Variants in RNF214 observed in about 807,000 individuals in gnomAD.
RNF214 encodes the protein ring finger protein 214.
In RNF214, 25 loss-of-function variants were observed where a neutral mutation model predicts 75.9. The observed-to-expected ratio is 0.33, with a 90% CI of 0.24 to 0.46. The LOEUF (loss-of-function observed/expected upper bound fraction) is 0.46, where lower values mean the gene tolerates loss of function less well. RNF214 is among the 20% of genes least tolerant of loss of function. RNF214 has a pLI of 1.00. For synonymous variants in RNF214, 314 were observed against 308.8 expected (o/e 1.02, Z -0.18); for missense variants, 725 against 857.5 (o/e 0.85, Z 1.93).
intron 6 of RNF214, among the ~76,000 whole-genome samples, chr11:117,255,861 A>G (rs2033507184): frequency 6.6e-6 from 1 of 152,176 alleles, no homozygotes; most frequent in Non-Finnish European, 1.5e-5. Flanking sequence ...TACCATTGAA[A>G]TCATTCCAAG....
At chr11:117,243,366 G>A (rs931971121) in intron 4 of RNF214, among the ~76,000 whole-genome samples, 4 of 151,950 alleles carry the variant, frequency 2.6e-5, no homozygotes, top group African/African-American at 7.2e-5. Context: ...GGCTGGTCTC[G>A]AACTGCTGAC....
At chr11:117,268,456 G>T (rs925038930) in intron 6 of RNF214, among the ~76,000 whole-genome samples, 2 of 152,074 alleles carry the variant, frequency 1.3e-5, no homozygotes, top group African/African-American at 2.4e-5. Flanking sequence ...GATTGGGGTC[G>T]GGGGGAGTCT....
chr11:117,284,655 C>T (rs949465752), intron 14 of RNF214, among the ~76,000 whole-genome samples: 6 of 152,108 alleles, frequency 3.9e-5, no homozygotes, highest in Non-Finnish European at 7.4e-5. Context: ...TGGGGCCAGG[C>T]GCGGTGGCTC....
intron 6 of RNF214, among the ~76,000 whole-genome samples, chr11:117,278,998 A>G (rs1161170752): frequency 1.3e-5 from 2 of 152,106 alleles, no homozygotes; most frequent in Non-Finnish European, 2.9e-5. Context: ...TTGGGAGGCT[A>G]AGGCAAGAAG....
At chr11:117,262,557 T>A (rs904865768) in intron 6 of RNF214, among the ~76,000 whole-genome samples, 5 of 152,052 alleles carry the variant, frequency 3.3e-5, no homozygotes, top group Admixed American at 1.3e-4. Flanking sequence ...TTTTTAAAAA[T>A]TTTTTGTAAA....
At chr11:117,260,557 C>T (rs2033633281) in intron 6 of RNF214, among the ~76,000 whole-genome samples, 1 of 151,302 alleles carries the variant, frequency 6.6e-6, no homozygotes, top group African/African-American at 2.4e-5. Context: ...CCTGTAATCC[C>T]AGCACTTTGG....
intron 6 of RNF214, among the ~76,000 whole-genome samples, chr11:117,272,930 G>T (rs2033941870): frequency 6.6e-6 from 1 of 151,932 alleles, no homozygotes; most frequent in South Asian, 2.1e-4. Flanking sequence ...TTATCTATCA[G>T]TATATACTGA....
At chr11:117,244,378 C>A in intron 4 of RNF214, 67 bp from the exon 5 acceptor site, 1 of 1,343,370 alleles carries the variant, frequency 7.4e-7, no homozygotes, top group Non-Finnish European at 1.1e-6. Flanking sequence ...ATGCCTTGGA[C>A]AGGCACTGGT....
chr11:117,234,154 T>C, intron 1 of RNF214, 113 bp from the exon 2 acceptor site: 1 of 757,014 alleles, frequency 1.3e-6, no homozygotes, highest in South Asian at 1.7e-5. Flanking sequence ...AGCCCAGGTT[T>C]TTGTGTTTCT....
chr11:117,266,455 G>C (rs1474641101), intron 6 of RNF214, among the ~76,000 whole-genome samples: 1 of 151,952 alleles, frequency 6.6e-6, no homozygotes, highest in Non-Finnish European at 1.5e-5. Context: ...TGCCTTCCAG[G>C]CTTAAGCGAT....
chr11:117,262,728 T>TGA (rs1490289088), intron 6 of RNF214, among the ~76,000 whole-genome samples: 2 of 151,808 alleles, frequency 1.3e-5, no homozygotes, highest in African/African-American at 4.8e-5. Flanking sequence ...TGTGTGTGTG[T>TGA]GTGTGTTTAA....
chr11:117,244,869 G>A (rs746408004), intron 5 of RNF214, among the ~76,000 whole-genome samples: 9 of 151,768 alleles, frequency 5.9e-5, no homozygotes, highest in Non-Finnish European at 1.5e-5. Context: ...GTTTTGTCAT[G>A]TTGCCCAGGC....
At chr11:117,277,953 A>G (rs924419956) in intron 6 of RNF214, among the ~76,000 whole-genome samples, 3 of 150,944 alleles carry the variant, frequency 2.0e-5, no homozygotes, top group African/African-American at 7.3e-5. Context: ...CAGACTGGGC[A>G]ACAGATAGAG....
At chr11:117,271,511 A>G (rs1458013105) in intron 6 of RNF214, among the ~76,000 whole-genome samples, 1 of 152,192 alleles carries the variant, frequency 6.6e-6, no homozygotes, top group Admixed American at 6.5e-5. Context: ...ACATTGTTTC[A>G]TATGTTTTGT....
intron 6 of RNF214, among the ~76,000 whole-genome samples, chr11:117,251,504 G>A (rs1218097098): frequency 7.5e-5 from 8 of 106,572 alleles, no homozygotes; most frequent in African/African-American, 3.0e-4. Context: ...CCTCCCGGAC[G>A]GGGCGGCTGG....
intron 6 of RNF214, among the ~76,000 whole-genome samples, chr11:117,267,819 T>C (rs2033828244): frequency 6.6e-6 from 1 of 152,182 alleles, no homozygotes; most frequent in African/African-American, 2.4e-5. Context: ...CCCATTGAGG[T>C]ACCTTGGCAC....
Position 117,280,013 on chromosome 11 carries a change from A to T in RNF214, c.1056+9A>T. 1 of 1,599,088 alleles carries T rather than the reference A, an allele frequency of 6.3e-7. No homozygotes were observed. Among genetic ancestry groups the T allele is most frequent in the Non-Finnish European group, 8.5e-7 (1 of 1,169,624 alleles). ...GGGCCTGGAAGGCAGAGGTGAGAAG[A>T]GGAGCTGATATCTTGAAAGTCTTAG... On this transcript the variant is annotated intron_variant, in intron 7 of 14. Coordinates refer to ENST00000300650, the MANE Select transcript of RNF214 (RefSeq NM_207343.4).
At chr11:117,259,742 T>C (rs915478837) in intron 6 of RNF214, among the ~76,000 whole-genome samples, 2 of 152,202 alleles carry the variant, frequency 1.3e-5, no homozygotes, top group Non-Finnish European at 2.9e-5. Context: ...TGTCTAACTT[T>C]TTTATTCCTT....
At chr11:117,277,038 A>G (rs956608409) in intron 6 of RNF214, among the ~76,000 whole-genome samples, 1 of 152,204 alleles carries the variant, frequency 6.6e-6, no homozygotes. Context: ...CTGCCTATAA[A>G]ATCTTTGTCT....
Sources: allele counts gnomAD v4.1 joint callset (sites outside exome capture counted in the v4.1 genomes callset), GRCh38; gene constraint gnomAD v4.1.1; transcripts MANE v1.5; gene names NCBI Gene and HGNC (gene_info 2026-07-23, HGNC 2026-07-21).